FHL5: variants seen among roughly 807,000 people sequenced by gnomAD.
FHL5 encodes the protein four and a half LIM domains protein 5.
In FHL5, 33 loss-of-function variants were observed where a neutral mutation model predicts 32.0. The ratio of observed to expected loss-of-function variants is 1.03; its 90% CI spans 0.78 to 1.38. The LOEUF (loss-of-function observed/expected upper bound fraction) is 1.38. Ranked by LOEUF, FHL5 falls within the 40% of genes most tolerant of loss-of-function variation. The pLI, the probability that FHL5 is intolerant of heterozygous loss-of-function variation, is 0.00. For missense variants in FHL5, 336 were observed against 343.9 expected (o/e 0.98, Z 0.18); for synonymous variants, 114 against 113.6 (o/e 1.00, Z -0.02).
chr6:96,570,057 A>G (rs1277581093), intron 1 of FHL5, among the ~76,000 whole-genome samples: 1 of 151,652 alleles, frequency 6.6e-6, no homozygotes, highest in Non-Finnish European at 1.5e-5. Context: ...CTCCTCATAT[A>G]TCTGCTCTAC....
intron 1 of FHL5, among the ~76,000 whole-genome samples, chr6:96,563,676 AAAG>A: frequency 6.6e-6 from 1 of 152,252 alleles, no homozygotes; most frequent in South Asian, 2.1e-4. Context: ...ATTGTTGTAA[AAAG>A]AGGAAGAAGA....
rs111539609 is a variant in FHL5, at chr6:96,617,627, T to C, written c.*1855T>C. Reference sequence around the variant, plus strand: ...ACTAAATCTATGATATAGAAAATAATAGCACATTACACATAGAGAAAACCA... The same window carrying C: ...ACTAAATCTATGATATAGAAAATAACAGCACATTACACATAGAGAAAACCA... On this transcript the variant is annotated 3_prime_UTR_variant, in exon 6 of 6. Coordinates refer to ENST00000450218, the MANE Select transcript of FHL5 (RefSeq NM_001322466.2). 2.1e-3 allele frequency among the ~76,000 whole-genome samples: 316 copies of C among 152,282 alleles called. 1 individual carries two copies. The highest frequency in any genetic ancestry group is 4.8e-3 in the African/African-American group (199 of 41,562).
At chr6:96,578,633 G>C (rs1049642587) in intron 1 of FHL5, among the ~76,000 whole-genome samples, 4 of 152,078 alleles carry the variant, frequency 2.6e-5, no homozygotes, top group Admixed American at 2.6e-4. Context: ...CTTGAGGTCA[G>C]GAGTTCGAGA....
intron 1 of FHL5, among the ~76,000 whole-genome samples, chr6:96,596,870 C>T (rs984451023): frequency 4.0e-5 from 6 of 151,838 alleles, no homozygotes; most frequent in Non-Finnish European, 5.9e-5. Context: ...CCTGTACTCC[C>T]GTCTTCTATT....
chr6:96,582,536 CT>C (rs963296953), intron 1 of FHL5, among the ~76,000 whole-genome samples: 31 of 150,074 alleles, frequency 2.1e-4, no homozygotes, highest in South Asian at 1.3e-3. Flanking sequence ...ATATGAAGCA[CT>C]TTTTTTTTTC....
In FHL5 at chr6:96,592,840, G is replaced by A. The variant is rs117625397; in HGVS notation, c.-12-10762G>A. Reference sequence around the variant, plus strand: ...ACTTTTGATATGTTATTTGTCTTTCGTTTTTAGTAGTTGTACCCTGATGTG... The same window carrying A: ...ACTTTTGATATGTTATTTGTCTTTCATTTTTAGTAGTTGTACCCTGATGTG... On this transcript the variant is annotated intron_variant, in intron 1 of 5. Coordinates refer to ENST00000450218, the MANE Select transcript of FHL5 (RefSeq NM_001322466.2). Among the ~76,000 whole-genome samples, 101 of 152,154 alleles carry A rather than the reference G, an allele frequency of 6.6e-4. 1 individual carries two copies. In the East Asian group the frequency reaches 0.018, roughly 27 times the overall value.
intron 5 of FHL5, among the ~76,000 whole-genome samples, chr6:96,612,994 A>G (rs1236652817): frequency 6.6e-6 from 1 of 152,188 alleles, no homozygotes; most frequent in Non-Finnish European, 1.5e-5. Context: ...AGGATACACA[A>G]TTTCAGTTAA....
At chr6:96,567,687 T>A (rs539443977) in intron 1 of FHL5, among the ~76,000 whole-genome samples, 1 of 151,972 alleles carries the variant, frequency 6.6e-6, no homozygotes, top group South Asian at 2.1e-4. Flanking sequence ...CAGTTTTTAT[T>A]GTAGAGATCT....
intron 5 of FHL5, among the ~76,000 whole-genome samples, chr6:96,612,248 G>A (rs9486719): frequency 0.26 from 38,959 of 152,016 alleles, 5,915 homozygotes; most frequent in African/African-American, 0.43. Context: ...ACTGATTTTA[G>A]TTAGAAAATG....
intron 1 of FHL5, among the ~76,000 whole-genome samples, chr6:96,587,099 T>G (rs1471849038): frequency 6.6e-6 from 1 of 152,240 alleles, no homozygotes; most frequent in African/African-American, 2.4e-5. Flanking sequence ...TTTTGCTTGT[T>G]GACTTTCTGG....
At chr6:96,601,573 A>G (rs1468586770) in intron 1 of FHL5, among the ~76,000 whole-genome samples, 1 of 152,184 alleles carries the variant, frequency 6.6e-6, no homozygotes, top group Non-Finnish European at 1.5e-5. Context: ...TTGTGGTTTT[A>G]TATGTTTTAT....
chr6:96,567,248 C>G (rs1770377189), intron 1 of FHL5, among the ~76,000 whole-genome samples: 1 of 151,900 alleles, frequency 6.6e-6, no homozygotes, highest in Non-Finnish European at 1.5e-5. Flanking sequence ...AGAGACTGTT[C>G]CTTCCCCATT....
At chr6:96,598,145 C>T (rs1196445677) in intron 1 of FHL5, among the ~76,000 whole-genome samples, 2 of 152,160 alleles carry the variant, frequency 1.3e-5, no homozygotes, top group Non-Finnish European at 2.9e-5. Context: ...TAGAGGTCAA[C>T]TCGCTGCTGC....
intron 1 of FHL5, among the ~76,000 whole-genome samples, chr6:96,576,365 A>G (rs906716169): frequency 1.3e-5 from 2 of 152,214 alleles, no homozygotes; most frequent in African/African-American, 4.8e-5. Flanking sequence ...GTTGATCAGG[A>G]AACACAATTA....
chr6:96,568,757 G>T (rs1422515874), intron 1 of FHL5, among the ~76,000 whole-genome samples: 1 of 151,684 alleles, frequency 6.6e-6, no homozygotes, highest in Non-Finnish European at 1.5e-5. Context: ...GTATATAGCT[G>T]TTTATAATAG....
intron 2 of FHL5, 133 bp from the exon 3 acceptor site, chr6:96,604,617 C>T (rs1771230293): frequency 1.8e-6 from 1 of 560,382 alleles, no homozygotes; most frequent in Non-Finnish European, 2.9e-6. Flanking sequence ...GTAACAGTTT[C>T]AGTAACAACT....
chr6:96,575,964 C>T (rs1275484664), intron 1 of FHL5, among the ~76,000 whole-genome samples: 1 of 152,104 alleles, frequency 6.6e-6, no homozygotes, highest in African/African-American at 2.4e-5. Flanking sequence ...TTATATGTGA[C>T]CTTTTTGTTA....
At chr6:96,612,326 C>T (rs571403868) in intron 5 of FHL5, among the ~76,000 whole-genome samples, 1 of 152,124 alleles carries the variant, frequency 6.6e-6, no homozygotes, top group East Asian at 1.9e-4. Flanking sequence ...AATCACAGTC[C>T]ATTTATTTTA....
intron 1 of FHL5, among the ~76,000 whole-genome samples, chr6:96,575,529 G>A (rs1255164706): frequency 6.6e-6 from 1 of 152,214 alleles, no homozygotes; most frequent in Admixed American, 6.5e-5. Context: ...TGAACTCACT[G>A]CAGAGAGGGA....
Sources: gnomAD v4.1 joint callset for allele counts (sites outside exome capture counted in the v4.1 genomes callset) on GRCh38, gnomAD v4.1.1 for gene constraint, MANE v1.5 for transcripts, NCBI Gene and HGNC (gene_info 2026-07-23, HGNC 2026-07-21) for gene names.